Variants in TMEM272 observed in about 807,000 individuals in gnomAD.
The protein encoded by TMEM272 is transmembrane protein 272.
A neutral mutation model predicts 3.7 loss-of-function variants in TMEM272; 8 were observed. That is an observed-to-expected ratio of 2.17 (90% CI 1.27 to 3.91). The LOEUF (loss-of-function observed/expected upper bound fraction) is 3.91. TMEM272 is among the 30% of genes most tolerant of loss of function. TMEM272 has a pLI of 0.00. For synonymous variants in TMEM272, 63 were observed against 39.8 expected (o/e 1.58, Z -2.20); for missense variants, 166 against 91.5 (o/e 1.81, Z -3.32).
At chr13:51,908,310 T>C in the TMEM272 span, 1 of 1,057,618 alleles carries the variant, frequency 9.5e-7, no homozygotes, top group Non-Finnish European at 1.3e-6. Flanking sequence ...AATGTGGGGG[T>C]GGGGGTGGGG....
chr13:51,817,381 G>T (rs140863417), intron 4 of TMEM272, among the ~76,000 whole-genome samples: 1 of 152,332 alleles, frequency 6.6e-6, no homozygotes, highest in South Asian at 2.1e-4. Context: ...TTAGATGTGT[G>T]AGTTGGTTTG....
At chr13:51,841,207 A>G (rs1214187922) in intron 1 of TMEM272, among the ~76,000 whole-genome samples, 3 of 152,018 alleles carry the variant, frequency 2.0e-5, no homozygotes, top group African/African-American at 7.3e-5. Context: ...CACCCTTCTT[A>G]GGGAAAACAG....
the TMEM272 span, among the ~76,000 whole-genome samples, chr13:51,880,700 C>T: frequency 1.3e-5 from 2 of 152,008 alleles, no homozygotes; most frequent in Admixed American, 6.6e-5. Context: ...CTATTTTTTT[C>T]CATTGGGGCC....
chr13:51,895,152 T>G, the TMEM272 span, among the ~76,000 whole-genome samples: 4 of 152,090 alleles, frequency 2.6e-5, no homozygotes, highest in African/African-American at 9.7e-5. Flanking sequence ...TGTGGCCCAG[T>G]TCCTAACAGG....
At chr13:51,876,752 AC>A in the TMEM272 span, among the ~76,000 whole-genome samples, 5 of 152,148 alleles carry the variant, frequency 3.3e-5, no homozygotes, top group African/African-American at 1.2e-4. Flanking sequence ...TTGTTTGCTC[AC>A]TTGTTTTTGC....
intron 2 of TMEM272, among the ~76,000 whole-genome samples, chr13:51,837,623 C>T (rs1036473180): frequency 1.3e-5 from 2 of 152,222 alleles, no homozygotes; most frequent in Non-Finnish European, 2.9e-5. Flanking sequence ...CTTAGTCAGC[C>T]AGTGCCTATT....
intron 2 of TMEM272, among the ~76,000 whole-genome samples, chr13:51,827,997 G>A (rs1343794560): frequency 6.6e-6 from 1 of 152,168 alleles, no homozygotes; most frequent in East Asian, 1.9e-4. Context: ...TTACTCTGGG[G>A]GTGGCTGGCA....
At chr13:51,905,494 A>G in the TMEM272 span, among the ~76,000 whole-genome samples, 1 of 152,176 alleles carries the variant, frequency 6.6e-6, no homozygotes, top group Non-Finnish European at 1.5e-5. Flanking sequence ...CAGGGCTTTG[A>G]GATGCTTTCT....
At position 51,815,688 on chromosome 13, in the gene TMEM272, G is replaced by A. The variant is rs1405315488; in HGVS notation, c.*1063C>T. ...TCTTCATACAAAATTCTAAAACATG[G>A]GACTTTTTGCTCATAAAGAGGCTCC... On this transcript the variant is annotated 3_prime_UTR_variant, in exon 5 of 5. Transcript: ENST00000629372. 1 of 152,100 alleles carries A rather than the reference G, an allele frequency of 6.6e-6. No homozygotes were observed. Among genetic ancestry groups the A allele is most frequent in the African/African-American group, 2.4e-5 (1 of 41,404 alleles). 9.4% of individuals were successfully genotyped at this position (152,100 alleles called of 1,614,324 possible).
the TMEM272 span, among the ~76,000 whole-genome samples, chr13:51,881,263 A>G: frequency 6.6e-6 from 1 of 152,210 alleles, no homozygotes; most frequent in Non-Finnish European, 1.5e-5. Context: ...GAACAGGGTA[A>G]ATTGTCATTC....
At chr13:51,844,009 G>C (rs1363392859) in intron 1 of TMEM272, among the ~76,000 whole-genome samples, 2 of 152,168 alleles carry the variant, frequency 1.3e-5, no homozygotes, top group Non-Finnish European at 2.9e-5. Flanking sequence ...TGTCGATAAA[G>C]AGACCAGAGA....
chr13:51,873,521 A>C, the TMEM272 span, among the ~76,000 whole-genome samples: 1 of 152,220 alleles, frequency 6.6e-6, no homozygotes, highest in Admixed American at 6.5e-5. Flanking sequence ...TTCATCATAC[A>C]TCGGAATCAA....
the TMEM272 span, among the ~76,000 whole-genome samples, chr13:51,868,671 C>G: frequency 6.6e-6 from 1 of 152,228 alleles, no homozygotes; most frequent in Non-Finnish European, 1.5e-5. Flanking sequence ...CTGGGTCTTT[C>G]GTAAGACAAA....
At chr13:51,856,389 G>T in the TMEM272 span, among the ~76,000 whole-genome samples, 10 of 152,294 alleles carry the variant, frequency 6.6e-5, no homozygotes, top group Middle Eastern at 3.4e-3. Flanking sequence ...TCAGAACTCA[G>T]GCCCCTCCCA....
the TMEM272 span, among the ~76,000 whole-genome samples, chr13:51,853,833 T>C: frequency 6.6e-6 from 1 of 152,202 alleles, no homozygotes; most frequent in Admixed American, 6.5e-5. Flanking sequence ...AGGAAATATA[T>C]TAGAAGAATA....
chr13:51,865,259 CAGTAGT>C, the TMEM272 span: 1 of 720,866 alleles, frequency 1.4e-6, no homozygotes, highest in South Asian at 2.2e-5. Flanking sequence ...TTCTCAAATT[CAGTAGT>C]ACAGAACCAA....
At chr13:51,923,333 G>A in the TMEM272 span, among the ~76,000 whole-genome samples, 4 of 152,210 alleles carry the variant, frequency 2.6e-5, no homozygotes, top group Non-Finnish European at 5.9e-5. Context: ...GACAGAATGC[G>A]ATGGGCTGGT....
At chr13:51,869,189 CTT>C in the TMEM272 span, among the ~76,000 whole-genome samples, 2 of 152,186 alleles carry the variant, frequency 1.3e-5, no homozygotes, top group Non-Finnish European at 2.9e-5. Context: ...AGTGAAGAGA[CTT>C]TGGCTGTGGT....
At chr13:51,891,187 G>A in the TMEM272 span, among the ~76,000 whole-genome samples, 1 of 152,166 alleles carries the variant, frequency 6.6e-6, no homozygotes, top group South Asian at 2.1e-4. Flanking sequence ...TTCATTATGA[G>A]GTTCCTTCAT....
Sources: gnomAD v4.1 joint callset for allele counts (sites outside exome capture counted in the v4.1 genomes callset) on GRCh38, gnomAD v4.1.1 for gene constraint, MANE v1.5 for transcripts, NCBI Gene and HGNC (gene_info 2026-07-23, HGNC 2026-07-21) for gene names.